Variants in SVEP1 observed in about 807,000 individuals in gnomAD.
SVEP1 encodes the protein sushi, von Willebrand factor type A, EGF and pentraxin domain containing 1, also known as sushi, von Willebrand factor type A, EGF and pentraxin domain-containing protein 1.
A neutral mutation model predicts 367.3 loss-of-function variants in SVEP1; 164 were observed. The observed-to-expected ratio is 0.45, with a 90% CI of 0.39 to 0.51. The LOEUF (loss-of-function observed/expected upper bound fraction) is 0.51, where lower values mean the gene tolerates loss of function less well. Ranked by LOEUF, SVEP1 falls within the 20% of genes least tolerant of loss-of-function variation. SVEP1 has a pLI of 0.00. For missense variants in SVEP1, 4,117 were observed against 4,425.3 expected (o/e 0.93, Z 1.98); for synonymous variants, 1,666 against 1,611.6 (o/e 1.03, Z -0.81).
chr9:110,411,213 G>A lies in SVEP1; in HGVS notation c.6498C>T (p.Ala2166=). 1.2e-6 allele frequency: 2 copies of A among 1,614,004 alleles called. No homozygotes were observed. The highest frequency in any genetic ancestry group is 1.7e-6 in the Non-Finnish European group (2 of 1,179,890). ...CCTTGTTGCAGCTGTAAGCCACCATGGCTCCAAAACTGTAGTTTGATCCAC... is the reference window on the plus strand; with the variant it reads ...CCTTGTTGCAGCTGTAAGCCACCATAGCTCCAAAACTGTAGTTTGATCCAC... The part of the protein sequence containing the change: ...YASGSNYSFG[A]MVAYSCNKGF... Residue 2166 remains alanine, a synonymous_variant, in exon 37 of 48, where the codon GCC becomes GCT. Coordinates refer to ENST00000374469, the MANE Select transcript of SVEP1 (RefSeq NM_153366.4).
At chr9:110,555,837 T>A (rs1035833671) in intron 1 of SVEP1, among the ~76,000 whole-genome samples, 1 of 152,222 alleles carries the variant, frequency 6.6e-6, no homozygotes, top group Admixed American at 6.5e-5. Flanking sequence ...TTGTGCTTCA[T>A]CGTACTTGAA....
At chr9:110,575,035 G>A (rs368353467) in intron 1 of SVEP1, among the ~76,000 whole-genome samples, 1 of 152,210 alleles carries the variant, frequency 6.6e-6, no homozygotes, top group East Asian at 1.9e-4. Context: ...CTGAGCCACC[G>A]CGCCTGGCCG....
Position 110,548,386 on chromosome 9 carries a change from T to C in SVEP1, c.787+1463A>G, listed in dbSNP as rs1226536313. ...AATAAATATCAGTAATAGTAGACAG[T>C]TATTGAGTGCTGAGTATAACAAGCC... On this transcript the variant is annotated intron_variant, in intron 2 of 47. Coordinates refer to ENST00000374469, the MANE Select transcript of SVEP1 (RefSeq NM_153366.4). Among the ~76,000 whole-genome samples, 3 of 152,124 alleles carry C rather than the reference T, an allele frequency of 2.0e-5. No individual in the cohort carries two copies. The East Asian group carries it at 5.8e-4, about 29-fold the overall frequency.
In SVEP1 at chr9:110,456,311, C is replaced by G. The variant is rs1430587990; in HGVS notation, c.3674-608G>C. Among the ~76,000 whole-genome samples the G allele has an allele frequency of 3.3e-5, 5 of 152,270 alleles. No individual in the cohort carries two copies. In the East Asian group the frequency reaches 7.7e-4, roughly 24 times the overall value. On this transcript the variant is annotated intron_variant, in intron 21 of 47. Transcript: ENST00000374469. Reference sequence around the variant, plus strand: ...TCCAGCAATCTGTGTTTTTAACAAGCCTTCCAGATGATTCTGATGCACACG... The same window carrying G: ...TCCAGCAATCTGTGTTTTTAACAAGGCTTCCAGATGATTCTGATGCACACG...
At chr9:110,523,314 T>C (rs1382925028) in intron 3 of SVEP1, among the ~76,000 whole-genome samples, 1 of 152,150 alleles carries the variant, frequency 6.6e-6, no homozygotes, top group African/African-American at 2.4e-5. Flanking sequence ...CCACAACTAA[T>C]GGGAAACATT....
At chr9:110,396,024 G>C (rs145883174) in intron 40 of SVEP1, among the ~76,000 whole-genome samples, 20,230 of 151,446 alleles carry the variant, frequency 0.13, 1,131 homozygotes, top group African/African-American at 0.18. Context: ...CTACAGAACT[G>C]TCCACCCCAA....
Position 110,406,490 on chromosome 9 carries a change from T to C in SVEP1, c.9110A>G (p.Lys3037Arg). The change falls in exon 38 of 48, where the codon AAG (lysine) becomes AGG (arginine). Residue 3037 changes from lysine to arginine, a missense_variant. Lys to Arg is a conservative substitution (Grantham distance 26). This residue lies in a region of SVEP1 where 1,765 missense variants were observed against 1,781.1 expected (regional missense o/e 0.99). Transcript: ENST00000374469. Reference sequence around the variant, plus strand: ...GGTGATTTCAGAAAGTCCTAGGAGCTTGAAGCCTTTGAAGCACTGAATCCG... The same window carrying C: ...GGTGATTTCAGAAAGTCCTAGGAGCCTGAAGCCTTTGAAGCACTGAATCCG... ...AARIQCFKGF[K>R]LLGLSEITCE... 1 of 1,613,854 alleles carries C rather than the reference T, an allele frequency of 6.2e-7. No individual in the cohort carries two copies. The highest frequency in any genetic ancestry group is 8.5e-7 in the Non-Finnish European group (1 of 1,179,880).
intron 36 of SVEP1, among the ~76,000 whole-genome samples, chr9:110,415,017 G>T (rs1247517918): frequency 6.6e-6 from 1 of 151,912 alleles, no homozygotes; most frequent in East Asian, 1.9e-4. Context: ...AGCATGAAAA[G>T]GAAAATGAGA....
At chr9:110,572,123 G>GA (rs2090177097) in intron 1 of SVEP1, among the ~76,000 whole-genome samples, 1 of 151,658 alleles carries the variant, frequency 6.6e-6, no homozygotes, top group Non-Finnish European at 1.5e-5. Context: ...AGGAAAAGAG[G>GA]GGCACAAAAA....
chr9:110,565,429 C>A (rs999847899), intron 1 of SVEP1, among the ~76,000 whole-genome samples: 2 of 152,048 alleles, frequency 1.3e-5, no homozygotes, highest in Admixed American at 6.6e-5. Context: ...ATTAAAGGAA[C>A]CTAAGACTTC....
intron 3 of SVEP1, among the ~76,000 whole-genome samples, chr9:110,532,407 GAGA>G (rs929764501): frequency 6.6e-6 from 1 of 152,214 alleles, no homozygotes; most frequent in Admixed American, 6.5e-5. Flanking sequence ...GCTGTAAATC[GAGA>G]AGGACTAGTA....
chr9:110,455,515 C>A, intron 22 of SVEP1, 75 bp downstream of exon 22: 2 of 1,098,494 alleles, frequency 1.8e-6, no homozygotes, highest in South Asian at 1.7e-5. Flanking sequence ...TTGACACATT[C>A]CAAATTTATC....
intron 36 of SVEP1, among the ~76,000 whole-genome samples, chr9:110,415,027 A>T (rs1006067050): frequency 4.6e-5 from 7 of 152,076 alleles, no homozygotes; most frequent in Non-Finnish European, 7.3e-5. Flanking sequence ...GGAAAATGAG[A>T]AACAAATGAC....
intron 18 of SVEP1, among the ~76,000 whole-genome samples, chr9:110,463,489 TAAAAC>T (rs1463355041): frequency 6.9e-6 from 1 of 145,300 alleles, no homozygotes; most frequent in Non-Finnish European, 1.5e-5. Context: ...TAGCACAAAA[TAAAAC>T]AGTACACTAT....
intron 35 of SVEP1, among the ~76,000 whole-genome samples, chr9:110,428,417 C>CACACACACACACACACAA (rs1554714260): frequency 1.8e-5 from 1 of 57,040 alleles, no homozygotes; most frequent in African/African-American, 1.1e-4. Context: ...CACACACACA[C>CACACACACACACACACAA]ACACACACAC....
At chr9:110,375,105 A>G (rs1827329938) in intron 46 of SVEP1, among the ~76,000 whole-genome samples, 1 of 152,162 alleles carries the variant, frequency 6.6e-6, no homozygotes, top group African/African-American at 2.4e-5. Context: ...TATGCTCTGC[A>G]AAATGAAGCA....
rs764173975 is a variant in SVEP1, at chr9:110,503,093, A to T, written c.1428T>A (p.Asp476Glu). The T allele has an allele frequency of 1.3e-5, 21 of 1,610,592 alleles. No homozygotes were observed. In the Admixed American group the frequency reaches 2.0e-4, roughly 15 times the overall value. Residue 476 changes from aspartate (D) to glutamate (E), a missense_variant, in exon 6 of 48, where the codon GAT (aspartate) becomes GAA (glutamate). By Grantham distance (45) the Asp-to-Glu change is conservative. Transcript: ENST00000374469. Reference protein sequence around the residue: ...CDEGYRLEGSDKLTCQGNSQW... With the variant: ...CDEGYRLEGSEKLTCQGNSQW... ...GGCTGTTTCCTTGACAAGTAAGCTT[A>T]TCACTGCCTTCTAGTCTGTACCCTT...
In SVEP1 at chr9:110,406,695, C is replaced by T. The variant is rs1399211663; in HGVS notation, c.8905G>A (p.Gly2969Ser). The change falls in exon 38 of 48, where the codon GGC becomes AGC. Residue 2969 changes from glycine to serine, a missense_variant. Gly to Ser is a moderately conservative substitution (Grantham distance 56). Transcript: ENST00000374469. ...FPNGFSFIHG[G>S]HIQYQCFPGY... ...GGAAAGCACTGATACTGTATATGGC[C>T]CCCATGAATAAAGGAAAAACCATTA... 4 of 1,613,876 alleles carry T rather than the reference C, an allele frequency of 2.5e-6. No homozygotes were observed. The highest frequency in any genetic ancestry group is 2.2e-5 in the East Asian group (1 of 44,888).
At chr9:110,378,335 CCAGA>C (rs373420550) in intron 44 of SVEP1, among the ~76,000 whole-genome samples, 20 of 152,254 alleles carry the variant, frequency 1.3e-4, no homozygotes, top group African/African-American at 4.8e-4. Context: ...ATTGTTGCTG[CCAGA>C]CAATGAGTCC....
Sources: allele counts gnomAD v4.1 joint callset (sites outside exome capture counted in the v4.1 genomes callset), GRCh38; gene constraint gnomAD v4.1.1; regional missense constraint gnomAD v4.1.1; transcripts MANE v1.5; gene names NCBI Gene and HGNC (gene_info 2026-07-23, HGNC 2026-07-21).